Variants in EFR3A observed in about 807,000 individuals in gnomAD.
EFR3A encodes the protein EFR3 homolog A.
EFR3A carries 76 observed loss-of-function variants against 104.4 expected under a neutral mutation model. That is an observed-to-expected ratio of 0.73 (90% CI 0.60 to 0.88). EFR3A has a LOEUF of 0.88. Ranked by LOEUF, EFR3A falls within the 40% of genes least tolerant of loss-of-function variation. The pLI is 0.00. For missense variants in EFR3A, 985 were observed against 1,012.5 expected (o/e 0.97, Z 0.37); for synonymous variants, 330 against 330.0 (o/e 1.00, Z 0.00).
At position 131,986,256 on chromosome 8, in the gene EFR3A, G is replaced by A. The variant is rs766761391; in HGVS notation, c.1932G>A (p.Lys644=). 2 of 1,556,520 alleles carry A rather than the reference G, an allele frequency of 1.3e-6. No individual in the cohort carries two copies. Among genetic ancestry groups the A allele is most frequent in the Non-Finnish European group, 1.8e-6 (2 of 1,132,792 alleles). The part of the protein sequence containing the change: ...YFLPEHIFRD[K]CMLPKSLEKH... ...TACCAGAGCATATCTTCAGAGATAA[G>A]TGCATGTATGTTAATTCTTTACATT... The change falls in exon 17 of 23, where the codon AAG becomes AAA. Residue 644 remains lysine (K), a synonymous_variant. Transcript: ENST00000254624.
intron 8 of EFR3A, among the ~76,000 whole-genome samples, chr8:131,967,418 G>A (rs1222562568): frequency 6.6e-6 from 1 of 151,934 alleles, no homozygotes; most frequent in Non-Finnish European, 1.5e-5. Context: ...TAACCAGCCT[G>A]AAAACAGGGC....
chr8:131,964,805 A>T (rs1269907298), intron 8 of EFR3A, among the ~76,000 whole-genome samples: 1 of 152,198 alleles, frequency 6.6e-6, no homozygotes, highest in Non-Finnish European at 1.5e-5. Flanking sequence ...ACGCTACCTG[A>T]CTTCAAATTG....
intron 18 of EFR3A, among the ~76,000 whole-genome samples, chr8:131,988,208 G>C (rs1053146186): frequency 1.6e-4 from 24 of 151,496 alleles, no homozygotes; most frequent in Non-Finnish European, 3.2e-4. Context: ...CCCATTGCTT[G>C]AAATAATTCT....
At chr8:131,965,804 A>C (rs962144931) in intron 8 of EFR3A, among the ~76,000 whole-genome samples, 17 of 152,068 alleles carry the variant, frequency 1.1e-4, no homozygotes, top group Admixed American at 7.9e-4. Flanking sequence ...AAGACTTGGA[A>C]CCAACCCAGA....
At chr8:132,002,914 T>C (rs1821854591) in intron 21 of EFR3A, among the ~76,000 whole-genome samples, 1 of 152,196 alleles carries the variant, frequency 6.6e-6, no homozygotes, top group Non-Finnish European at 1.5e-5. Context: ...AGTGGAACTG[T>C]TTTCCCAAAT....
In EFR3A at chr8:131,950,000, C is replaced by T. The variant is rs1222422229; in HGVS notation, c.398C>T (p.Thr133Ile). The T allele has an allele frequency of 1.2e-5, 19 of 1,600,526 alleles. No homozygotes were observed. Among genetic ancestry groups the T allele is most frequent in the Non-Finnish European group, 1.5e-5 (18 of 1,175,184 alleles). The change falls in exon 5 of 23, where the codon ACA becomes ATA. Residue 133 changes from threonine (T) to isoleucine (I), a missense_variant. Transcript: ENST00000254624. ...AAATTTGCAAATATTGAAGAAGACA[C>T]ACCATCCTATCACAGACGTTATGAC... is the stretch of plus-strand genomic sequence containing the variant. ...FVKFANIEEDTPSYHRRYDFF... is the reference protein window; with the variant it reads ...FVKFANIEEDIPSYHRRYDFF...
chr8:132,010,861 A>G lies in EFR3A; in HGVS notation c.2432A>G (p.Tyr811Cys), dbSNP rs1207120705. 6 of 1,612,424 alleles carry G rather than the reference A, an allele frequency of 3.7e-6. No homozygotes were observed. In the South Asian group the frequency reaches 4.4e-5, roughly 12 times the overall value. ...GHAQYQSVPV[Y>C]EMKFPDLCVY ...GCCCAATACCAATCTGTCCCAGTCT[A>G]TGAGATGAAGTTTCCAGATCTGTGT... Residue 811 changes from tyrosine to cysteine, a missense_variant, in exon 23 of 23, where the codon TAT becomes TGT. Physicochemically the swap from Tyr to Cys is radical, Grantham distance 194. Transcript: ENST00000254624.
chr8:131,919,930 A>T (rs1220505304), intron 1 of EFR3A, among the ~76,000 whole-genome samples: 2 of 151,828 alleles, frequency 1.3e-5, no homozygotes, highest in Non-Finnish European at 2.9e-5. Flanking sequence ...GTATCAGATT[A>T]CTGTAGTGAC....
chr8:132,005,605 T>G (rs74865304), intron 22 of EFR3A, among the ~76,000 whole-genome samples: 6,283 of 152,096 alleles, frequency 0.041, 319 homozygotes, highest in East Asian at 0.12. Context: ...ACATATAGTT[T>G]GGAGAGAAAT....
chr8:132,006,960 A>G (rs1304248055), intron 22 of EFR3A, among the ~76,000 whole-genome samples: 2 of 151,986 alleles, frequency 1.3e-5, no homozygotes, highest in Non-Finnish European at 2.9e-5. Flanking sequence ...CTCAATGTTC[A>G]TTTAAGACAA....
chr8:131,917,224 T>G (rs1816780264), intron 1 of EFR3A, among the ~76,000 whole-genome samples: 1 of 152,242 alleles, frequency 6.6e-6, no homozygotes, highest in Non-Finnish European at 1.5e-5. Flanking sequence ...TGAGGGACAT[T>G]AGAGACGAGC....
chr8:131,980,160 C>T lies in EFR3A; in HGVS notation c.1575+739C>T, dbSNP rs1192142335. On this transcript the variant is annotated intron_variant, in intron 14 of 22. Transcript: ENST00000254624. The stretch of plus-strand genomic sequence containing the variant: ...TTTTAGAGGTGTGAGGAAAAGGAGA[C>T]AGAGCCCCGTAGGAAGCTAGGTGTA... Among the ~76,000 whole-genome samples, 4 of 152,048 alleles carry T rather than the reference C, an allele frequency of 2.6e-5. No homozygotes were observed. The East Asian group carries it at 7.7e-4, about 29-fold the overall frequency.
intron 2 of EFR3A, 32 bp downstream of exon 2, chr8:131,940,607 T>C: frequency 6.3e-7 from 1 of 1,584,248 alleles, no homozygotes; most frequent in Non-Finnish European, 8.6e-7. Flanking sequence ...GATCCTTCTC[T>C]TTGCTGACCC....
intron 22 of EFR3A, among the ~76,000 whole-genome samples, chr8:132,006,385 GATA>G (rs1467149390): frequency 1.3e-5 from 2 of 151,956 alleles, no homozygotes; most frequent in Non-Finnish European, 2.9e-5. Flanking sequence ...AAGAATTATA[GATA>G]ATAAAGGAAT....
rs542346774 is a variant in EFR3A, at chr8:132,010,519, C to G, written c.2361-271C>G. 3.4e-5 allele frequency among the ~76,000 whole-genome samples: 5 copies of G among 145,840 alleles called. No homozygotes were observed. In the South Asian group the frequency reaches 1.1e-3, roughly 31 times the overall value. ...ATGAAATAATTTTTTACTAATGAAA[C>G]AAAGCTCACAAGAATGGGTAGAGTA... is the stretch of plus-strand genomic sequence containing the variant. On this transcript the variant is annotated intron_variant, in intron 22 of 22. Transcript: ENST00000254624.
chr8:131,962,447 TC>T (rs1171884979), intron 8 of EFR3A, among the ~76,000 whole-genome samples: 1 of 151,880 alleles, frequency 6.6e-6, no homozygotes, highest in Admixed American at 6.6e-5. Flanking sequence ...CCAACAAAGA[TC>T]AAAAGAAACA....
intron 15 of EFR3A, 48 bp downstream of exon 15, chr8:131,984,348 GACA>G (rs754211026): frequency 2.8e-6 from 4 of 1,448,088 alleles, no homozygotes; most frequent in Non-Finnish European, 2.7e-6. Flanking sequence ...TTATAAAGCA[GACA>G]ACATCTTTGA....
rs1228658817 is a variant in EFR3A, at chr8:131,953,951, A to G, written c.622A>G (p.Ile208Val). The G allele has an allele frequency of 1.9e-6, 3 of 1,550,470 alleles. No individual in the cohort carries two copies. Among genetic ancestry groups the G allele is most frequent in the Non-Finnish European group, 2.6e-6 (3 of 1,147,132 alleles). Residue 208 changes from isoleucine (I) to valine (V), a missense_variant, in exon 6 of 23, where the codon ATA becomes GTA. Coordinates refer to ENST00000254624, the MANE Select transcript of EFR3A (RefSeq NM_015137.6). ...VPSLLFNMQK[I>V]EEVDSRIGPP... ...ATCCCTCCTGTTTAACATGCAAAAG[A>G]TAGAAGAAGTTGACAGGTATTTAAA...
At chr8:131,917,625 A>G (rs914471645) in intron 1 of EFR3A, among the ~76,000 whole-genome samples, 35 of 152,252 alleles carry the variant, frequency 2.3e-4, no homozygotes, top group African/African-American at 8.2e-4. Flanking sequence ...AAGTATTTGC[A>G]TAGAGGTGAG....
Sources: allele counts gnomAD v4.1 joint callset (sites outside exome capture counted in the v4.1 genomes callset), GRCh38; gene constraint gnomAD v4.1.1; transcripts MANE v1.5; gene names NCBI Gene and HGNC (gene_info 2026-07-23, HGNC 2026-07-21).